ZBTB20: variants seen among roughly 807,000 people sequenced by gnomAD.
The protein encoded by ZBTB20 is zinc finger and BTB domain containing 20.
Under a neutral mutation model 56.9 loss-of-function variants are expected in ZBTB20, and 9 were observed. The observed-to-expected ratio is 0.16, with a 90% CI of 0.10 to 0.28. ZBTB20 has a LOEUF of 0.28. Ranked by LOEUF, ZBTB20 falls within the 10% of genes least tolerant of loss-of-function variation. ZBTB20 has a pLI of 1.00. For missense variants in ZBTB20, 655 were observed against 1,003.0 expected (o/e 0.65, Z 4.69); for synonymous variants, 417 against 420.7 (o/e 0.99, Z 0.11).
intron 4 of ZBTB20, among the ~76,000 whole-genome samples, chr3:114,886,158 C>T (rs899192366): frequency 6.6e-6 from 1 of 152,208 alleles, no homozygotes; most frequent in African/African-American, 2.4e-5. Context: ...TGAGAATCAA[C>T]TTGGGAGAAA....
intron 7 of ZBTB20, among the ~76,000 whole-genome samples, chr3:114,453,239 C>A (rs1466001438): frequency 6.6e-6 from 1 of 152,126 alleles, no homozygotes; most frequent in Non-Finnish European, 1.5e-5. Context: ...GAATCGTTGA[C>A]AAAATCTCCA....
chr3:114,875,343 C>T (rs770397106), intron 4 of ZBTB20, among the ~76,000 whole-genome samples: 5 of 152,176 alleles, frequency 3.3e-5, no homozygotes, highest in African/African-American at 4.8e-5. Flanking sequence ...ATATTTTGCA[C>T]CTTCACATTG....
intron 6 of ZBTB20, among the ~76,000 whole-genome samples, chr3:114,647,254 G>A (rs1276539200): frequency 1.3e-5 from 2 of 152,136 alleles, no homozygotes; most frequent in African/African-American, 2.4e-5. Context: ...CACCAAGCCC[G>A]GCCAAGGCAG....
intron 5 of ZBTB20, among the ~76,000 whole-genome samples, chr3:114,711,725 A>G (rs539089963): frequency 1.5e-3 from 226 of 152,114 alleles, no homozygotes; most frequent in Non-Finnish European, 2.5e-3. Flanking sequence ...CTTTTATACT[A>G]TTTATTTTGT....
chr3:114,595,768 T>G (rs1396451533), intron 6 of ZBTB20, among the ~76,000 whole-genome samples: 1 of 152,224 alleles, frequency 6.6e-6, no homozygotes, highest in African/African-American at 2.4e-5. Context: ...CATTCCTTCC[T>G]TTAGAGTTCA....
chr3:114,679,178 C>T (rs2061815773), intron 6 of ZBTB20, among the ~76,000 whole-genome samples: 1 of 152,056 alleles, frequency 6.6e-6, no homozygotes, highest in Admixed American at 6.6e-5. Context: ...ACCATAAAAA[C>T]CCTAGAAGAA....
intron 1 of ZBTB20, among the ~76,000 whole-genome samples, chr3:115,115,832 T>C (rs112899459): frequency 3.3e-5 from 5 of 152,182 alleles, no homozygotes; most frequent in African/African-American, 1.2e-4. Context: ...TTTTAATGCC[T>C]TACCAATGAA....
At chr3:114,717,831 C>T (rs1195394051) in intron 5 of ZBTB20, among the ~76,000 whole-genome samples, 1 of 356 alleles carries the variant, frequency 2.8e-3, no homozygotes, top group Non-Finnish European at 6.1e-3. Flanking sequence ...GACTCAACTT[C>T]TTGCAACAAT....
At chr3:114,518,315 C>A (rs2046257757) in intron 6 of ZBTB20, among the ~76,000 whole-genome samples, 1 of 151,404 alleles carries the variant, frequency 6.6e-6, no homozygotes. Context: ...GGAAAGGGGC[C>A]AAAAATAGAA....
intron 5 of ZBTB20, among the ~76,000 whole-genome samples, chr3:114,701,630 G>T (rs576240229): frequency 4.6e-5 from 7 of 152,134 alleles, no homozygotes; most frequent in Non-Finnish European, 1.0e-4. Flanking sequence ...ACCTGCGTAA[G>T]GAAACAGAGC....
At chr3:114,734,987 C>T (rs1163307496) in intron 5 of ZBTB20, among the ~76,000 whole-genome samples, 2 of 151,858 alleles carry the variant, frequency 1.3e-5, no homozygotes, top group Non-Finnish European at 2.9e-5. Flanking sequence ...GGAGAAAGTG[C>T]CAACTCTACA....
At chr3:114,622,479 T>G (rs915502269) in intron 6 of ZBTB20, among the ~76,000 whole-genome samples, 1 of 152,204 alleles carries the variant, frequency 6.6e-6, no homozygotes. Flanking sequence ...TCTATCACAA[T>G]GACAGCTGAT....
At chr3:114,629,851 T>C (rs1413757009) in intron 6 of ZBTB20, among the ~76,000 whole-genome samples, 1 of 152,178 alleles carries the variant, frequency 6.6e-6, no homozygotes, top group Non-Finnish European at 1.5e-5. Flanking sequence ...TAAAGAATAC[T>C]TTAAAGAATA....
chr3:114,415,193 A>G (rs2088411783), intron 7 of ZBTB20, among the ~76,000 whole-genome samples: 1 of 152,150 alleles, frequency 6.6e-6, no homozygotes, highest in Non-Finnish European at 1.5e-5. Context: ...CAAACAAGGC[A>G]TAGGGATGTG....
At position 114,873,442 on chromosome 3, in the gene ZBTB20, G is replaced by C. The variant is rs189292381; in HGVS notation, c.-417+26862C>G. ...TTTTTATTTGCCATTTGGATCACAT[G>C]ATTTTCTCCTTTAAACATCCCAGTG... On this transcript the variant is annotated intron_variant, in intron 4 of 11. Coordinates refer to ENST00000675478, the MANE Select transcript of ZBTB20 (RefSeq NM_001348800.3). Among the ~76,000 whole-genome samples the C allele has an allele frequency of 5.8e-4, 89 of 152,208 alleles. 2 individuals are homozygous for C. The highest frequency in any genetic ancestry group is 2.0e-3 in the African/African-American group (83 of 41,534).
intron 6 of ZBTB20, among the ~76,000 whole-genome samples, chr3:114,604,953 T>C (rs1339277415): frequency 6.6e-6 from 1 of 152,104 alleles, no homozygotes; most frequent in African/African-American, 2.4e-5. Context: ...AACACATTTC[T>C]TGAGGAATTT....
intron 1 of ZBTB20, among the ~76,000 whole-genome samples, chr3:115,101,951 G>A (rs889039550): frequency 7.2e-5 from 11 of 152,072 alleles, no homozygotes; most frequent in Non-Finnish European, 1.3e-4. Context: ...TAGATCAACC[G>A]ATTCTTCACC....
At chr3:115,099,915 T>C (rs890760462) in intron 1 of ZBTB20, among the ~76,000 whole-genome samples, 2 of 151,982 alleles carry the variant, frequency 1.3e-5, no homozygotes, top group African/African-American at 2.4e-5. Flanking sequence ...GTGAGAAAAA[T>C]AGATTTGTTT....
intron 3 of ZBTB20, among the ~76,000 whole-genome samples, chr3:114,962,450 G>A (rs564330875): frequency 3.9e-5 from 6 of 152,172 alleles, no homozygotes; most frequent in African/African-American, 1.2e-4. Context: ...CAGACAGCCC[G>A]ATAGATTTTG....
Sources: gnomAD v4.1 joint callset for allele counts (sites outside exome capture counted in the v4.1 genomes callset) on GRCh38, gnomAD v4.1.1 for gene constraint, MANE v1.5 for transcripts, NCBI Gene and HGNC (gene_info 2026-07-23, HGNC 2026-07-21) for gene names.